CSMD1: variants seen among roughly 807,000 people sequenced by gnomAD.
The protein encoded by CSMD1 is CUB and sushi domain-containing protein 1.
In CSMD1, 213 loss-of-function variants were observed where a neutral mutation model predicts 417.5. The ratio of observed to expected loss-of-function variants is 0.51; its 90% CI spans 0.46 to 0.57. CSMD1 has a LOEUF of 0.57. Among genes scored for constraint, CSMD1 ranks in the 20% least tolerant of loss-of-function variants. CSMD1 has a pLI of 0.00. For synonymous variants in CSMD1, 2,862 were observed against 1,736.8 expected, an observed-to-expected ratio of 1.65 and a Z score of -16.11; for missense variants, 6,923 against 4,529.7, an observed-to-expected ratio of 1.53 and a Z score of -15.17.
At chr8:3,919,974 A>T (rs927130079) in intron 5 of CSMD1, among the ~76,000 whole-genome samples, 8 of 151,888 alleles carry the variant, frequency 5.3e-5, no homozygotes, top group Non-Finnish European at 7.4e-5. Context: ...TTTAGTGTGT[A>T]ATCTGTGAAT....
At chr8:4,016,636 G>T (rs1166789331) in intron 4 of CSMD1, among the ~76,000 whole-genome samples, 1 of 152,176 alleles carries the variant, frequency 6.6e-6, no homozygotes, top group Non-Finnish European at 1.5e-5. Context: ...ATGACTCTTT[G>T]CTTTGTCTTC....
At chr8:3,682,662 T>C (rs1354497668) in intron 7 of CSMD1, among the ~76,000 whole-genome samples, 10 of 152,178 alleles carry the variant, frequency 6.6e-5, no homozygotes, top group Admixed American at 5.9e-4. Context: ...GAATTAGAAA[T>C]ACCATTTGAT....
At chr8:3,651,814 T>A (rs1184603778) in intron 7 of CSMD1, among the ~76,000 whole-genome samples, 1 of 147,720 alleles carries the variant, frequency 6.8e-6, no homozygotes, top group Admixed American at 6.7e-5. Context: ...CTTACCACCA[T>A]CAGAGCACCC....
intron 23 of CSMD1, among the ~76,000 whole-genome samples, chr8:3,315,074 C>T (rs114810951): frequency 0.016 from 2,458 of 151,988 alleles, 57 homozygotes; most frequent in African/African-American, 0.056. Flanking sequence ...CAAAAACATA[C>T]TATCTATCTG....
At chr8:3,677,079 G>A (rs550381028) in intron 7 of CSMD1, among the ~76,000 whole-genome samples, 7 of 152,148 alleles carry the variant, frequency 4.6e-5, no homozygotes, top group Non-Finnish European at 5.9e-5. Context: ...TAGACATTGG[G>A]TAGATAGGTG....
chr8:3,128,651 CTAAT>C, intron 41 of CSMD1: 2 of 313,410 alleles, frequency 6.4e-6, no homozygotes, highest in South Asian at 5.5e-5. Flanking sequence ...GACAAACTAT[CTAAT>C]TAAGTGTCAC....
chr8:4,525,071 A>C (rs1796447743), intron 2 of CSMD1, among the ~76,000 whole-genome samples: 1 of 152,162 alleles, frequency 6.6e-6, no homozygotes, highest in South Asian at 2.1e-4. Context: ...ATTAAACTGC[A>C]AGTCAAATAC....
intron 62 of CSMD1, among the ~76,000 whole-genome samples, chr8:2,958,989 T>C (rs1803242627): frequency 6.6e-6 from 1 of 152,190 alleles, no homozygotes; most frequent in Non-Finnish European, 1.5e-5. Flanking sequence ...AAAGTGGAAG[T>C]ATGAATTTAT....
chr8:3,769,656 A>G (rs1798467294), intron 5 of CSMD1, among the ~76,000 whole-genome samples: 1 of 152,168 alleles, frequency 6.6e-6, no homozygotes, highest in African/African-American at 2.4e-5. Flanking sequence ...AGAATGTTAT[A>G]GCTCTTTGTA....
At chr8:3,216,530 C>T (rs1021927318) in intron 29 of CSMD1, among the ~76,000 whole-genome samples, 1 of 152,186 alleles carries the variant, frequency 6.6e-6, no homozygotes, top group African/African-American at 2.4e-5. Flanking sequence ...ATATCACCTA[C>T]ACAACTTTCT....
intron 5 of CSMD1, among the ~76,000 whole-genome samples, chr8:3,896,149 G>A (rs147289363): frequency 1.3e-5 from 2 of 152,102 alleles, no homozygotes; most frequent in African/African-American, 4.8e-5. Context: ...ATTTGATTCA[G>A]TCAATGTAAT....
intron 1 of CSMD1, among the ~76,000 whole-genome samples, chr8:4,837,047 C>A (rs1422815113): frequency 6.7e-6 from 1 of 148,774 alleles, no homozygotes; most frequent in African/African-American, 2.6e-5. Context: ...GTTAAGAGAC[C>A]ACCCATAAGA....
intron 1 of CSMD1, among the ~76,000 whole-genome samples, chr8:4,919,306 G>A (rs912030289): frequency 2.6e-5 from 4 of 152,154 alleles, no homozygotes; most frequent in African/African-American, 4.8e-5. Flanking sequence ...AGAACCACGG[G>A]TTAGATGTAA....
chr8:3,791,508 C>T (rs765808867), intron 5 of CSMD1, among the ~76,000 whole-genome samples: 5 of 152,160 alleles, frequency 3.3e-5, no homozygotes, highest in Admixed American at 6.5e-5. Flanking sequence ...ATCTCTACAA[C>T]AAGGGTATGG....
chr8:3,229,271 C>G (rs1370382192), intron 27 of CSMD1, among the ~76,000 whole-genome samples: 2 of 152,104 alleles, frequency 1.3e-5, no homozygotes, highest in Admixed American at 6.6e-5. Flanking sequence ...TAAAGAAGTA[C>G]TAATTAAACT....
At chr8:3,199,121 A>T (rs1244221280) in intron 33 of CSMD1, among the ~76,000 whole-genome samples, 72 of 152,242 alleles carry the variant, frequency 4.7e-4, no homozygotes, top group Admixed American at 4.6e-3. Flanking sequence ...TACTTTGCAG[A>T]ATCTTTGAGC....
chr8:3,257,859 T>A (rs1286938230), intron 26 of CSMD1, among the ~76,000 whole-genome samples: 1 of 152,060 alleles, frequency 6.6e-6, no homozygotes. Context: ...GGGGCTTGAC[T>A]CAGTGATCCA....
At chr8:4,649,106 A>T (rs1029964301) in intron 1 of CSMD1, among the ~76,000 whole-genome samples, 2 of 152,124 alleles carry the variant, frequency 1.3e-5, no homozygotes, top group African/African-American at 4.8e-5. Flanking sequence ...TCATTGATAC[A>T]CCTGTCATTA....
chr8:3,159,042 T>C (rs182290086), intron 38 of CSMD1, among the ~76,000 whole-genome samples: 9 of 152,258 alleles, frequency 5.9e-5, no homozygotes, highest in African/African-American at 1.2e-4. Flanking sequence ...AAGAAGACCA[T>C]ATTTAATTTT....
Sources: gnomAD v4.1 joint callset for allele counts (sites outside exome capture counted in the v4.1 genomes callset) on GRCh38, gnomAD v4.1.1 for gene constraint, MANE v1.5 for transcripts, NCBI Gene and HGNC (gene_info 2026-07-23, HGNC 2026-07-21) for gene names.